MS4A5: variants seen among roughly 807,000 people sequenced by gnomAD.
MS4A5 encodes membrane spanning 4-domains A5.
A neutral mutation model predicts 18.2 loss-of-function variants in MS4A5; 15 were observed. The observed-to-expected ratio is 0.83, with a 90% confidence interval of 0.55 to 1.27. The LOEUF (loss-of-function observed/expected upper bound fraction) is 1.27. Ranked by LOEUF, MS4A5 falls within the 50% of genes most tolerant of loss-of-function variation. The pLI, the probability that MS4A5 is intolerant of heterozygous loss-of-function variation, is 0.00. For synonymous variants in MS4A5, 89 were observed against 78.7 expected (o/e 1.13, Z -0.69); for missense variants, 232 against 225.7 (o/e 1.03, Z -0.18).
intron 4 of MS4A5, among the ~76,000 whole-genome samples, chr11:60,434,979 A>G (rs1173582264): frequency 6.6e-6 from 1 of 152,234 alleles, no homozygotes; most frequent in Non-Finnish European, 1.5e-5. Context: ...ACCCTGCCCC[A>G]AAATAGCAAA....
At chr11:60,439,832 T>C (rs2086100702) in intron 4 of MS4A5, among the ~76,000 whole-genome samples, 1 of 39,154 alleles carries the variant, frequency 2.6e-5, no homozygotes, top group Non-Finnish European at 5.1e-5. Flanking sequence ...ATCAATATCG[T>C]GAAAATGGCC....
intron 4 of MS4A5, among the ~76,000 whole-genome samples, chr11:60,440,099 C>T (rs1430938860): frequency 8.6e-6 from 1 of 116,782 alleles, no homozygotes; most frequent in Non-Finnish European, 1.9e-5. Context: ...TGGAACAGAA[C>T]AGAGCCCTCA....
intron 4 of MS4A5, chr11:60,435,482 C>T (rs1177960505): frequency 2.4e-6 from 1 of 409,700 alleles, no homozygotes; most frequent in Non-Finnish European, 4.7e-6. Flanking sequence ...GTGAGAGACG[C>T]AGAAGACGGG....
At chr11:60,430,276 G>A (rs1240248271) in intron 1 of MS4A5, among the ~76,000 whole-genome samples, 4 of 151,356 alleles carry the variant, frequency 2.6e-5, no homozygotes, top group Admixed American at 6.6e-5. Flanking sequence ...AAAAAAACCC[G>A]AAGAGATGGA....
At chr11:60,447,297 ATCCTATGCTG>A (rs1388725912) in intron 4 of MS4A5, among the ~76,000 whole-genome samples, 4 of 137,888 alleles carry the variant, frequency 2.9e-5, no homozygotes, top group African/African-American at 1.1e-4. Flanking sequence ...ATGCTATGCT[ATCCTATGCTG>A]TGCTATGCTA....
Position 60,433,977 on chromosome 11 carries a change from C to T in MS4A5, c.492+60C>T, listed in dbSNP as rs554738604. On this transcript the variant is annotated intron_variant, in intron 4 of 4. Transcript: ENST00000300190. ...GGGCTTAATAGAAAATATTTATTAG[C>T]ACTCAATCAGCACCATTCAGATCAT... 6 of 1,427,110 alleles carry T rather than the reference C, an allele frequency of 4.2e-6. No individual in the cohort carries two copies. The East Asian group carries it at 9.2e-5, about 22-fold the overall frequency. 88.4% of individuals were successfully genotyped at this position (1,427,110 alleles called of 1,614,324 possible). A position where few individuals can be genotyped will look rare whatever the true frequency, so the allele number is the denominator to read the frequency against.
At chr11:60,436,676 T>C (rs2086082510) in intron 4 of MS4A5, among the ~76,000 whole-genome samples, 1 of 133,340 alleles carries the variant, frequency 7.5e-6, no homozygotes, top group African/African-American at 2.6e-5. Context: ...GTATCAGCGA[T>C]GGAAGATGAA....
chr11:60,442,558 C>G (rs73481283), intron 4 of MS4A5, among the ~76,000 whole-genome samples: 5,632 of 152,084 alleles, frequency 0.037, 303 homozygotes, highest in East Asian at 0.28. Flanking sequence ...CTTAAAACCT[C>G]GATGACAGGT....
At chr11:60,434,608 T>C (rs1031816517) in intron 4 of MS4A5, among the ~76,000 whole-genome samples, 2 of 152,190 alleles carry the variant, frequency 1.3e-5, no homozygotes, top group Non-Finnish European at 2.9e-5. Context: ...AGTATGGCTA[T>C]GTGGATTAAC....
chr11:60,434,311 A>C (rs2086067081), intron 4 of MS4A5, among the ~76,000 whole-genome samples: 1 of 152,170 alleles, frequency 6.6e-6, no homozygotes, highest in Admixed American at 6.5e-5. Context: ...GCATGATAAG[A>C]TTGAAAAGGG....
At chr11:60,429,865 C>A (rs1029997053) in intron 1 of MS4A5, 38 bp downstream of exon 1, 2 of 1,584,876 alleles carry the variant, frequency 1.3e-6, no homozygotes, top group African/African-American at 2.7e-5. Flanking sequence ...TTTACTGAGG[C>A]AGGGGAAAGG....
At chr11:60,447,304 G>C (rs879800533) in intron 4 of MS4A5, among the ~76,000 whole-genome samples, 83 of 138,356 alleles carry the variant, frequency 6.0e-4, no homozygotes, top group South Asian at 1.2e-3. Context: ...GCTATCCTAT[G>C]CTGTGCTATG....
rs780017632 is a variant in MS4A5 at position 60,447,750 on chromosome 11, ATGT to A, written c.600_602del (p.Cys200del). On this transcript the variant is annotated inframe_deletion, in exon 5 of 5. Coordinates refer to ENST00000300190, the MANE Select transcript of MS4A5 (RefSeq NM_023945.3). Reference sequence around the variant, plus strand: ...ACTCAGAGGATTGTGATTGTGAACAATGTTGTTGACTAGCACTGTGAGAATAAA... The same window carrying A: ...ACTCAGAGGATTGTGATTGTGAACAATGTTGACTAGCACTGTGAGAATAAA... 3 of 1,574,464 alleles carry A rather than the reference ATGT, an allele frequency of 1.9e-6. 1 individual carries two copies. In the South Asian group the frequency reaches 3.5e-5, roughly 18 times the overall value.
At chr11:60,432,199 ATAGT>A (rs1336911162) in intron 2 of MS4A5, among the ~76,000 whole-genome samples, 3 of 152,240 alleles carry the variant, frequency 2.0e-5, no homozygotes, top group Admixed American at 6.5e-5. Flanking sequence ...GTTCAAATAA[ATAGT>A]TAGGGCTAAA....
intron 4 of MS4A5, among the ~76,000 whole-genome samples, chr11:60,446,375 GTA>G (rs2086138254): frequency 6.6e-6 from 1 of 152,174 alleles, no homozygotes; most frequent in Non-Finnish European, 1.5e-5. Context: ...GACAAGATGT[GTA>G]TCTCTATTTG....
intron 4 of MS4A5, among the ~76,000 whole-genome samples, chr11:60,434,402 AAG>A (rs1170241801): frequency 1.1e-4 from 16 of 152,212 alleles, no homozygotes; most frequent in African/African-American, 3.4e-4. Flanking sequence ...TGGAGAGAAA[AAG>A]AGAGTTACCA....
At chr11:60,433,161 C>A (rs1050012072) in intron 3 of MS4A5, among the ~76,000 whole-genome samples, 1 of 152,196 alleles carries the variant, frequency 6.6e-6, no homozygotes, top group East Asian at 1.9e-4. Flanking sequence ...GGCACTTTGA[C>A]AGGCACTACT....
rs773049689 is a variant in MS4A5, at chr11:60,430,429, C to T, written c.154-367C>T. 6.9e-4 allele frequency among the ~76,000 whole-genome samples: 105 copies of T among 152,184 alleles called. 3 individuals carry two copies. Among genetic ancestry groups the T allele is most frequent in the Non-Finnish European group, 2.4e-4 (16 of 68,034 alleles). ...GAATTCAGTGTTTCTCAGACATTCA[C>T]ATTTATGGGCTAAAGAACTGAAGAA... On this transcript the variant is annotated intron_variant, in intron 1 of 4. Coordinates refer to ENST00000300190, the MANE Select transcript of MS4A5 (RefSeq NM_023945.3).
At chr11:60,432,302 T>C in intron 2 of MS4A5, 109 bp from the exon 3 acceptor site, 1 of 616,138 alleles carries the variant, frequency 1.6e-6, no homozygotes, top group East Asian at 3.0e-5. Context: ...CTGAGGAGTG[T>C]GTGAACTTAG....
Sources: allele counts gnomAD v4.1 joint callset (sites outside exome capture counted in the v4.1 genomes callset), GRCh38; gene constraint gnomAD v4.1.1; transcripts MANE v1.5; gene names NCBI Gene and HGNC (gene_info 2026-07-23, HGNC 2026-07-21).